The following ASTN2 variants were observed in gnomAD, a reference collection of about 807,000 sequenced individuals.
ASTN2 encodes astrotactin-2.
Under a neutral mutation model 139.8 loss-of-function variants are expected in ASTN2, and 54 were observed. That is an observed-to-expected ratio of 0.39 (90% CI 0.31 to 0.48). The LOEUF (loss-of-function observed/expected upper bound fraction) is 0.48. Among genes scored for constraint, ASTN2 ranks in the 20% least tolerant of loss-of-function variants. ASTN2 has a pLI of 0.95. For synonymous variants in ASTN2, 756 were observed against 719.5 expected, an observed-to-expected ratio of 1.05 and a Z score of -0.81; for missense variants, 1,565 against 1,725.1, an observed-to-expected ratio of 0.91 and a Z score of 1.64.
chr9:116,890,530 A>C (rs1458413996), intron 10 of ASTN2, among the ~76,000 whole-genome samples: 1 of 152,220 alleles, frequency 6.6e-6, no homozygotes, highest in Admixed American at 6.5e-5. Flanking sequence ...ACGTTTAAAT[A>C]AATGACATCC....
chr9:116,435,772 T>C (rs148603546), intron 22 of ASTN2, among the ~76,000 whole-genome samples: 1 of 152,322 alleles, frequency 6.6e-6, no homozygotes, highest in East Asian at 1.9e-4. Context: ...TCTGGAACCT[T>C]GTCACTCCAA....
At chr9:116,676,025 T>C (rs1020424646) in intron 16 of ASTN2, among the ~76,000 whole-genome samples, 1 of 152,170 alleles carries the variant, frequency 6.6e-6, no homozygotes, top group African/African-American at 2.4e-5. Context: ...TTGGGCAGCA[T>C]TTGCAAATTA....
intron 3 of ASTN2, among the ~76,000 whole-genome samples, chr9:117,187,453 A>G (rs1831230298): frequency 6.6e-6 from 1 of 152,180 alleles, no homozygotes; most frequent in Admixed American, 6.5e-5. Context: ...TCAACCCCCA[A>G]TGTAATAGTA....
At chr9:116,725,034 G>A (rs1327954451) in intron 16 of ASTN2, among the ~76,000 whole-genome samples, 1 of 152,162 alleles carries the variant, frequency 6.6e-6, no homozygotes, top group Non-Finnish European at 1.5e-5. Flanking sequence ...ATATACACAT[G>A]TGCGATATTC....
intron 4 of ASTN2, among the ~76,000 whole-genome samples, chr9:117,134,539 C>T (rs1829906602): frequency 6.6e-6 from 1 of 151,934 alleles, no homozygotes; most frequent in Admixed American, 6.6e-5. Context: ...CCACTGGCAC[C>T]TGCCTGGATC....
At chr9:117,305,746 C>G (rs531366728) in intron 1 of ASTN2, among the ~76,000 whole-genome samples, 19 of 152,244 alleles carry the variant, frequency 1.2e-4, no homozygotes, top group Non-Finnish European at 2.1e-4. Flanking sequence ...AGTGCTTACT[C>G]TGTGCGAGTC....
intron 5 of ASTN2, among the ~76,000 whole-genome samples, chr9:117,066,751 A>G (rs909111312): frequency 2.6e-5 from 4 of 152,244 alleles, no homozygotes; most frequent in South Asian, 2.1e-4. Flanking sequence ...TTTCTCTGAT[A>G]GCCAGTGATG....
intron 1 of ASTN2, among the ~76,000 whole-genome samples, chr9:117,295,284 T>C (rs905237102): frequency 2.6e-5 from 4 of 151,860 alleles, no homozygotes; most frequent in Non-Finnish European, 5.9e-5. Context: ...ATTGCGCCAC[T>C]GCACTCCAGC....
intron 1 of ASTN2, among the ~76,000 whole-genome samples, chr9:117,407,663 T>C (rs1429502916): frequency 2.6e-5 from 4 of 152,176 alleles, no homozygotes; most frequent in Non-Finnish European, 5.9e-5. Flanking sequence ...GGGAGTTCTT[T>C]TGGGGGGCTA....
intron 19 of ASTN2, among the ~76,000 whole-genome samples, chr9:116,595,652 C>T (rs192355526): frequency 2.0e-5 from 3 of 152,048 alleles, no homozygotes; most frequent in South Asian, 2.1e-4. Context: ...GTTTGGGCTC[C>T]GTTTACATTA....
intron 12 of ASTN2, 115 bp downstream of exon 12, chr9:116,820,502 G>A: frequency 7.5e-7 from 1 of 1,327,052 alleles, no homozygotes; most frequent in Non-Finnish European, 1.0e-6. Flanking sequence ...AGGCAGAAAG[G>A]CCATTTTATT....
chr9:116,905,319 A>C (rs779218062), intron 10 of ASTN2, among the ~76,000 whole-genome samples: 1 of 152,170 alleles, frequency 6.6e-6, no homozygotes, highest in African/African-American at 2.4e-5. Context: ...GGCACAAAAC[A>C]CTTAGCACTT....
intron 10 of ASTN2, among the ~76,000 whole-genome samples, chr9:116,934,195 C>G (rs966051095): frequency 1.3e-5 from 2 of 151,898 alleles, no homozygotes; most frequent in African/African-American, 4.8e-5. Context: ...GCTACTGCTC[C>G]AAAGAGGTGC....
intron 2 of ASTN2, among the ~76,000 whole-genome samples, chr9:117,220,652 A>G (rs1212751041): frequency 3.3e-5 from 5 of 152,134 alleles, no homozygotes; most frequent in Admixed American, 1.3e-4. Context: ...CAACCATGAG[A>G]AACTGGTAGA....
intron 12 of ASTN2, among the ~76,000 whole-genome samples, chr9:116,808,277 TTGTG>T (rs10553571): frequency 0.02 from 3,054 of 149,524 alleles, 41 homozygotes; most frequent in African/African-American, 0.035. Context: ...TAAATACATA[TTGTG>T]TGTGTGTGTG....
intron 5 of ASTN2, among the ~76,000 whole-genome samples, chr9:117,059,749 T>C (rs1033336124): frequency 6.6e-6 from 1 of 152,186 alleles, no homozygotes; most frequent in Admixed American, 6.5e-5. Flanking sequence ...CATTCTTCAC[T>C]CCAGTTTTGA....
intron 16 of ASTN2, among the ~76,000 whole-genome samples, chr9:116,710,197 C>A (rs1828110418): frequency 6.6e-6 from 1 of 152,128 alleles, no homozygotes; most frequent in Non-Finnish European, 1.5e-5. Context: ...CCAATCCAAG[C>A]CAGTCTCCTT....
chr9:116,742,870 T>C (rs1395093410), intron 13 of ASTN2, among the ~76,000 whole-genome samples: 1 of 152,106 alleles, frequency 6.6e-6, no homozygotes, highest in Non-Finnish European at 1.5e-5. Context: ...GATTAGAACA[T>C]TAGAACCAAG....
At chr9:117,040,465 T>C (rs1214451060) in intron 5 of ASTN2, among the ~76,000 whole-genome samples, 1 of 152,228 alleles carries the variant, frequency 6.6e-6, no homozygotes, top group Non-Finnish European at 1.5e-5. Context: ...TCTTTCTTTT[T>C]CTTTTTTGTT....
Sources: gnomAD v4.1 joint callset for allele counts (sites outside exome capture counted in the v4.1 genomes callset) on GRCh38, gnomAD v4.1.1 for gene constraint, MANE v1.5 for transcripts, NCBI Gene and HGNC (gene_info 2026-07-23, HGNC 2026-07-21) for gene names.